CPEB3: variants seen among roughly 807,000 people sequenced by gnomAD.
CPEB3 encodes cytoplasmic polyadenylation element binding protein 3.
Under a neutral mutation model 67.2 loss-of-function variants are expected in CPEB3, and 20 were observed. That is an observed-to-expected ratio of 0.30 (90% CI 0.21 to 0.43). The LOEUF (loss-of-function observed/expected upper bound fraction) is 0.43, where lower values mean the gene tolerates loss of function less well. Among genes scored for constraint, CPEB3 ranks in the 20% least tolerant of loss-of-function variants. CPEB3 has a pLI of 1.00. For synonymous variants in CPEB3, 376 were observed against 393.1 expected (o/e 0.96, Z 0.51); for missense variants, 746 against 968.6 (o/e 0.77, Z 3.05).
chr10:92,215,644 T>C (rs1046951635), intron 2 of CPEB3, among the ~76,000 whole-genome samples: 1 of 151,896 alleles, frequency 6.6e-6, no homozygotes, highest in African/African-American at 2.4e-5. Context: ...GGTTTCACTG[T>C]GTTGGCCAGG....
chr10:92,095,603 T>A (rs921033822), intron 7 of CPEB3, among the ~76,000 whole-genome samples: 17,688 of 142,158 alleles, frequency 0.12, 3,758 homozygotes, highest in African/African-American at 0.44. Context: ...TATATATATT[T>A]TTTTTTTTTC....
At chr10:92,181,937 T>C (rs568251456) in intron 3 of CPEB3, among the ~76,000 whole-genome samples, 1 of 152,332 alleles carries the variant, frequency 6.6e-6, no homozygotes, top group South Asian at 2.1e-4. Flanking sequence ...GTTTTCTTCA[T>C]TAATTATTTG....
At position 92,052,291 on chromosome 10, in the gene CPEB3, C is replaced by T. The variant is rs566498441; in HGVS notation, c.2018G>A (p.Arg673Gln). The change falls in exon 10 of 10, where the codon CGA becomes CAA. Residue 673 changes from arginine to glutamine, a missense_variant. Transcript: ENST00000265997. ...CEYCWASIHS[R>Q]AGREFHKPLV... ...CGGTTTGTGGAACTCCCGCCCGGCT[C>T]GGGAATGTATGCTCGCCCAGCAGTA... The T allele has an allele frequency of 1.2e-5, 19 of 1,614,162 alleles. No homozygotes were observed. Among genetic ancestry groups the T allele is most frequent in the African/African-American group, 8.0e-5 (6 of 75,048 alleles).
chr10:92,259,322 C>T (rs943697825), intron 1 of CPEB3, among the ~76,000 whole-genome samples: 1 of 151,858 alleles, frequency 6.6e-6, no homozygotes, highest in African/African-American at 2.4e-5. Flanking sequence ...TCATCTATGG[C>T]CGGGTGCGAT....
chr10:92,104,674 C>A (rs1452988377), intron 7 of CPEB3, among the ~76,000 whole-genome samples: 1 of 151,938 alleles, frequency 6.6e-6, no homozygotes, highest in East Asian at 1.9e-4. Context: ...TCGTGAGGCA[C>A]CACGCCCGGC....
At chr10:92,155,679 C>G (rs1286047793) in intron 4 of CPEB3, among the ~76,000 whole-genome samples, 1 of 152,214 alleles carries the variant, frequency 6.6e-6, no homozygotes, top group Non-Finnish European at 1.5e-5. Flanking sequence ...CTCTGTCTCT[C>G]TTCCTCTCTC....
At chr10:92,248,156 G>A (rs1852146607) in intron 1 of CPEB3, among the ~76,000 whole-genome samples, 1 of 152,022 alleles carries the variant, frequency 6.6e-6, no homozygotes, top group Non-Finnish European at 1.5e-5. Flanking sequence ...TATGTAAAAT[G>A]GCATAGTATT....
Position 92,148,965 on chromosome 10 carries a change from A to G in CPEB3, c.1223-3880T>C, listed in dbSNP as rs548325883. On this transcript the variant is annotated intron_variant, in intron 4 of 9. Coordinates refer to ENST00000265997, the MANE Select transcript of CPEB3 (RefSeq NM_014912.5). ...ACCCAAGCTGAAGCGCAGTGGCACA[A>G]TCTTGGCTCACTGCAACCTCTGCCT... 2.0e-5 allele frequency among the ~76,000 whole-genome samples: 3 copies of G among 150,910 alleles called. No individual in the cohort carries two copies. In the South Asian group the frequency reaches 6.3e-4, roughly 32 times the overall value.
chr10:92,077,989 G>A (rs1843001470), intron 9 of CPEB3, among the ~76,000 whole-genome samples: 1 of 152,082 alleles, frequency 6.6e-6, no homozygotes, highest in Non-Finnish European at 1.5e-5. Context: ...AAACTGTTGG[G>A]TCCTTTTCCA....
intron 4 of CPEB3, among the ~76,000 whole-genome samples, chr10:92,146,696 T>C (rs1448037440): frequency 6.6e-6 from 1 of 152,206 alleles, no homozygotes; most frequent in Non-Finnish European, 1.5e-5. Flanking sequence ...ACCAAATAAT[T>C]TTTTGTTCAG....
intron 8 of CPEB3, among the ~76,000 whole-genome samples, chr10:92,088,780 A>AT (rs1356889351): frequency 6.6e-6 from 1 of 152,222 alleles, no homozygotes; most frequent in Non-Finnish European, 1.5e-5. Flanking sequence ...AGGGACACCC[A>AT]TATCTAGTCC....
chr10:92,145,010 C>G lies in CPEB3; in HGVS notation c.1298G>C (p.Gly433Ala), dbSNP rs1196088216. ...GLSSPTRCQN[G>A]ERVERYSRKV... ...TCTAGAGTAGCGTTCTACTCGTTCC[C>G]CATTTTGACAGCGAGTGGGAGAACT... Residue 433 changes from glycine (G) to alanine (A), a missense_variant, in exon 5 of 10, where the codon GGG becomes GCG. Physicochemically the swap from Gly to Ala is moderately conservative, Grantham distance 60. Coordinates refer to ENST00000265997, the MANE Select transcript of CPEB3 (RefSeq NM_014912.5). The G allele has an allele frequency of 6.2e-7, 1 of 1,614,138 alleles. No homozygotes were observed. Among genetic ancestry groups the G allele is most frequent in the Non-Finnish European group, 8.5e-7 (1 of 1,180,012 alleles).
chr10:92,169,575 T>C (rs1847910960), intron 4 of CPEB3, among the ~76,000 whole-genome samples: 1 of 152,216 alleles, frequency 6.6e-6, no homozygotes, highest in African/African-American at 2.4e-5. Context: ...AAATGTTGGG[T>C]ATCCTTCTCC....
intron 6 of CPEB3, among the ~76,000 whole-genome samples, chr10:92,130,035 TC>T (rs1199771639): frequency 6.6e-6 from 1 of 151,916 alleles, no homozygotes; most frequent in Non-Finnish European, 1.5e-5. Context: ...TGGCCCTGTC[TC>T]CAAACAAACA....
chr10:92,155,008 G>A lies in CPEB3; in HGVS notation c.1223-9923C>T, dbSNP rs1847137793. ...CAGATGGCTTGAGGCCAGGAGTTCA[G>A]GACCAGCCTAGCCAATATGGTGAAA... is the stretch of plus-strand genomic sequence containing the variant. On this transcript the variant is annotated intron_variant, in intron 4 of 9. Coordinates refer to ENST00000265997, the MANE Select transcript of CPEB3 (RefSeq NM_014912.5). 2.6e-5 allele frequency among the ~76,000 whole-genome samples: 4 copies of A among 152,248 alleles called. No individual in the cohort carries two copies. The South Asian group carries it at 8.3e-4, about 32-fold the overall frequency.
chr10:92,173,102 A>G (rs1431394248), intron 4 of CPEB3, among the ~76,000 whole-genome samples: 1 of 152,218 alleles, frequency 6.6e-6, no homozygotes, highest in Non-Finnish European at 1.5e-5. Context: ...CCAGGGACCA[A>G]CTGTGAATAA....
intron 3 of CPEB3, among the ~76,000 whole-genome samples, chr10:92,181,513 A>C (rs1359486970): frequency 1.3e-5 from 2 of 152,094 alleles, no homozygotes; most frequent in Non-Finnish European, 2.9e-5. Context: ...AAAATTCATA[A>C]AAGAGACAGA....
intron 9 of CPEB3, among the ~76,000 whole-genome samples, chr10:92,075,222 A>G (rs930556879): frequency 1.3e-5 from 2 of 152,204 alleles, no homozygotes; most frequent in Admixed American, 1.3e-4. Flanking sequence ...GTTTCCCCCA[A>G]GAGCCTGGGC....
intron 2 of CPEB3, among the ~76,000 whole-genome samples, chr10:92,221,652 C>T (rs1006522630): frequency 2.0e-5 from 3 of 152,032 alleles, no homozygotes; most frequent in African/African-American, 7.2e-5. Flanking sequence ...GTGGGGCCTT[C>T]GAGGAAGTAA....
Sources: gnomAD v4.1 joint callset for allele counts (sites outside exome capture counted in the v4.1 genomes callset) on GRCh38, gnomAD v4.1.1 for gene constraint, MANE v1.5 for transcripts, NCBI Gene and HGNC (gene_info 2026-07-23, HGNC 2026-07-21) for gene names.